LEMD1: variants seen among roughly 807,000 people sequenced by gnomAD.
LEMD1 encodes LEM domain containing 1, also known as LEM domain-containing protein 1.
A neutral mutation model predicts 17.4 loss-of-function variants in LEMD1; 18 were observed. That is an observed-to-expected ratio of 1.04 (90% CI 0.72 to 1.54). The LOEUF is 1.54. Among genes scored for constraint, LEMD1 ranks in the 40% most tolerant of loss-of-function variants. LEMD1 has a pLI of 0.00. For missense variants in LEMD1, 195 were observed against 210.4 expected, an observed-to-expected ratio of 0.93 and a Z score of 0.45; for synonymous variants, 88 against 77.8, an observed-to-expected ratio of 1.13 and a Z score of -0.69.
At chr1:205,428,872 G>C (rs1357599150) in intron 1 of LEMD1, among the ~76,000 whole-genome samples, 2 of 152,196 alleles carry the variant, frequency 1.3e-5, no homozygotes, top group Non-Finnish European at 2.9e-5. Flanking sequence ...GGAGAGTGGA[G>C]AGTGGAGAGT....
At chr1:205,420,676 C>T (rs770003164) in intron 1 of LEMD1, 102 bp from the exon 2 acceptor site, 61 of 659,640 alleles carry the variant, frequency 9.2e-5, no homozygotes, top group Non-Finnish European at 1.4e-4. Context: ...TCCCCAACCT[C>T]CTAGGTGCAC....
chr1:205,430,528 T>A (rs547217833), intron 1 of LEMD1, among the ~76,000 whole-genome samples: 1 of 152,292 alleles, frequency 6.6e-6, no homozygotes, highest in African/African-American at 2.4e-5. Context: ...ATCTTCCTCC[T>A]GGAATGGGAT....
chr1:205,416,194 T>C, intron 4 of LEMD1, 38 bp downstream of exon 4: 1 of 1,334,062 alleles, frequency 7.5e-7, no homozygotes, highest in Non-Finnish European at 1.0e-6. Context: ...GTTTTTAATA[T>C]ATGGGTATAA....
At chr1:205,407,003 C>A (rs764682825) in intron 4 of LEMD1, among the ~76,000 whole-genome samples, 1 of 152,066 alleles carries the variant, frequency 6.6e-6, no homozygotes, top group African/African-American at 2.4e-5. Context: ...AAAATGGGGT[C>A]TGGTCGTCAG....
intron 4 of LEMD1, among the ~76,000 whole-genome samples, chr1:205,414,683 T>C (rs1665610908): frequency 6.6e-6 from 1 of 152,074 alleles, no homozygotes; most frequent in African/African-American, 2.4e-5. Context: ...CTTGGCCTCC[T>C]AAAGTGCTGG....
chr1:205,440,817 T>G (rs1394100340), intron 1 of LEMD1: 1 of 152,292 alleles, frequency 6.6e-6, no homozygotes, highest in Non-Finnish European at 1.5e-5. Flanking sequence ...ACTGGCTAAA[T>G]CAAGACTTAA....
At chr1:205,395,864 T>C (rs1264948438) in intron 4 of LEMD1, among the ~76,000 whole-genome samples, 3 of 151,970 alleles carry the variant, frequency 2.0e-5, no homozygotes, top group Admixed American at 6.6e-5. Flanking sequence ...AAAACACAAA[T>C]GACCAATAAA....
At chr1:205,408,823 G>A (rs1665249446) in intron 4 of LEMD1, among the ~76,000 whole-genome samples, 1 of 151,792 alleles carries the variant, frequency 6.6e-6, no homozygotes, top group Admixed American at 6.6e-5. Flanking sequence ...AGATTAAGAA[G>A]GAGTCCCAAA....
chr1:205,389,033 CTTTCTTTTT>C (rs1266525494), intron 4 of LEMD1, among the ~76,000 whole-genome samples: 1 of 77,090 alleles, frequency 1.3e-5, no homozygotes, highest in Admixed American at 1.7e-4. Flanking sequence ...AGTACATTTG[CTTTCTTTTT>C]TTTTTTTTTT....
intron 4 of LEMD1, among the ~76,000 whole-genome samples, chr1:205,410,432 A>C (rs1665334196): frequency 6.6e-6 from 1 of 152,206 alleles, no homozygotes; most frequent in South Asian, 2.1e-4. Flanking sequence ...TCATCCATTC[A>C]CAATGATCTA....
chr1:205,390,211 C>A (rs12139623), intron 4 of LEMD1, among the ~76,000 whole-genome samples: 1 of 151,900 alleles, frequency 6.6e-6, no homozygotes, highest in Admixed American at 6.6e-5. Context: ...AAAAATTAGC[C>A]GGGCATGGTG....
At chr1:205,386,971 A>G (rs1664062662) in intron 4 of LEMD1, 1 of 152,198 alleles carries the variant, frequency 6.6e-6, no homozygotes, top group African/African-American at 2.4e-5. Flanking sequence ...ACCTCTACAT[A>G]TCCATCACAT....
chr1:205,420,604 A>G (rs936603666), intron 1 of LEMD1, 30 bp from the exon 2 acceptor site: 1 of 1,188,810 alleles, frequency 8.4e-7, no homozygotes, highest in East Asian at 2.3e-5. Context: ...AAATTCATTA[A>G]GACAGCCTTA....
chr1:205,420,276 A>G (rs1385848361), intron 2 of LEMD1, among the ~76,000 whole-genome samples, 179 bp downstream of exon 2: 2 of 152,166 alleles, frequency 1.3e-5, no homozygotes, highest in African/African-American at 4.8e-5. Flanking sequence ...CAAACACCCA[A>G]TCCTAATCTG....
intron 4 of LEMD1, among the ~76,000 whole-genome samples, chr1:205,384,892 C>T (rs1415624137): frequency 6.6e-6 from 1 of 151,726 alleles, no homozygotes; most frequent in Non-Finnish European, 1.5e-5. Flanking sequence ...AAGCGCTAAG[C>T]CCCATTTACC....
chr1:205,421,345 A>T (rs982334586), intron 1 of LEMD1, among the ~76,000 whole-genome samples: 4 of 152,348 alleles, frequency 2.6e-5, no homozygotes, highest in Admixed American at 2.6e-4. Context: ...CAAACCTTTT[A>T]AAGGAGATTT....
intron 4 of LEMD1, among the ~76,000 whole-genome samples, chr1:205,415,590 T>A (rs1665659333): frequency 6.6e-6 from 1 of 151,698 alleles, no homozygotes; most frequent in Admixed American, 6.6e-5. Flanking sequence ...CACCTTGGAG[T>A]TCATTATTAA....
intron 4 of LEMD1, among the ~76,000 whole-genome samples, chr1:205,402,829 CTG>C (rs1664913399): frequency 6.6e-6 from 1 of 151,592 alleles, no homozygotes; most frequent in Admixed American, 6.6e-5. Flanking sequence ...ATGATATTGG[CTG>C]TGGGTTTGTC....
At chr1:205,398,277 G>T (rs1391976950) in intron 4 of LEMD1, among the ~76,000 whole-genome samples, 1 of 152,126 alleles carries the variant, frequency 6.6e-6, no homozygotes, top group East Asian at 1.9e-4. Flanking sequence ...GAAACTATCA[G>T]AGAGATGTCT....
Sources: allele counts gnomAD v4.1 joint callset (sites outside exome capture counted in the v4.1 genomes callset), GRCh38; gene constraint gnomAD v4.1.1; transcripts MANE v1.5; gene names NCBI Gene and HGNC (gene_info 2026-07-23, HGNC 2026-07-21).